Variants in ANKHD1 observed in about 807,000 individuals in gnomAD.
ANKHD1 encodes the protein ankyrin repeat and KH domain-containing protein 1.
In ANKHD1, 31 loss-of-function variants were observed where a neutral mutation model predicts 230.5. The ratio of observed to expected loss-of-function variants is 0.13; its 90% CI spans 0.10 to 0.18. ANKHD1 has a LOEUF of 0.18. ANKHD1 is among the 10% of genes least tolerant of loss of function. The pLI is 1.00. For synonymous variants in ANKHD1, 1,074 were observed against 1,117.6 expected (o/e 0.96, Z 0.78); for missense variants, 2,256 against 3,071.3 (o/e 0.73, Z 6.27).
intron 15 of ANKHD1, among the ~76,000 whole-genome samples, chr5:140,502,702 T>A (rs1002171907): frequency 1.3e-5 from 2 of 152,150 alleles, no homozygotes; most frequent in African/African-American, 4.8e-5. Flanking sequence ...TCAGCTATTT[T>A]GAGGAGGTGT....
intron 5 of ANKHD1, 83 bp downstream of exon 5, chr5:140,441,225 A>G: frequency 7.1e-7 from 1 of 1,406,930 alleles, no homozygotes; most frequent in African/African-American, 1.5e-5. Flanking sequence ...ATTTCTGAGG[A>G]AAACCAGTAT....
intron 25 of ANKHD1, among the ~76,000 whole-genome samples, chr5:140,525,311 G>T (rs1424458561): frequency 6.6e-6 from 1 of 151,890 alleles, no homozygotes; most frequent in African/African-American, 2.4e-5. Flanking sequence ...CACCCAGGCT[G>T]GAGTGCAGTG....
At chr5:140,529,899 A>C in intron 29 of ANKHD1, 103 bp downstream of exon 29, 1 of 1,471,182 alleles carries the variant, frequency 6.8e-7, no homozygotes, top group Non-Finnish European at 9.0e-7. Context: ...GTCACATATA[A>C]TGAGCTGCTT....
In ANKHD1 at chr5:140,485,803, C is replaced by T; in HGVS notation, c.2142+71C>T. 1 of 1,575,364 alleles carries T rather than the reference C, an allele frequency of 6.3e-7. No homozygotes were observed. The highest frequency in any genetic ancestry group is 1.4e-5 in the African/African-American group (1 of 72,560). Reference sequence around the variant, plus strand: ...ATGATTAGAAGTTTTTGTTTAAAATCAGTTTTAAGCAAAATGGACTTGTTT... The same window carrying T: ...ATGATTAGAAGTTTTTGTTTAAAATTAGTTTTAAGCAAAATGGACTTGTTT... On this transcript the variant is annotated intron_variant, in intron 13 of 33. Transcript: ENST00000360839. The surrounding 1 kb of genome is among the most constrained non-coding windows in gnomAD (Gnocchi z 4.8).
chr5:140,475,595 G>A (rs1750921122), intron 10 of ANKHD1, among the ~76,000 whole-genome samples: 2 of 152,098 alleles, frequency 1.3e-5, no homozygotes, highest in Admixed American at 6.6e-5. Flanking sequence ...GGAAAAATTA[G>A]CAAATTGTCG....
intron 22 of ANKHD1, among the ~76,000 whole-genome samples, chr5:140,511,978 A>C (rs1163282550): frequency 6.6e-6 from 1 of 152,164 alleles, no homozygotes; most frequent in Non-Finnish European, 1.5e-5. Context: ...GCTCACGCCC[A>C]TAATCCCAGC....
At chr5:140,509,554 G>T (rs1752674449) in intron 20 of ANKHD1, 83 bp from the exon 21 acceptor site, 1 of 1,395,676 alleles carries the variant, frequency 7.2e-7, no homozygotes, top group African/African-American at 1.5e-5. Flanking sequence ...GGTTTTTAAA[G>T]AAATTATGTA....
intron 1 of ANKHD1, among the ~76,000 whole-genome samples, chr5:140,434,986 A>G (rs935910848): frequency 2.6e-5 from 4 of 152,180 alleles, no homozygotes; most frequent in Non-Finnish European, 4.4e-5. Context: ...AATTAATTTT[A>G]TTTGAAATTG....
chr5:140,403,168 C>T (rs974379341), intron 1 of ANKHD1, among the ~76,000 whole-genome samples: 1 of 151,744 alleles, frequency 6.6e-6, no homozygotes, highest in Admixed American at 6.6e-5. Flanking sequence ...GGGGTTTCAC[C>T]ATGTTGGTCA....
chr5:140,511,364 G>C (rs1581356409), intron 22 of ANKHD1, among the ~76,000 whole-genome samples: 1 of 152,122 alleles, frequency 6.6e-6, no homozygotes, highest in Non-Finnish European at 1.5e-5. Context: ...CTGCCTCAGG[G>C]CCTTTGCTCA....
At chr5:140,500,648 CAAAAAAA>C (rs376975917) in intron 15 of ANKHD1, among the ~76,000 whole-genome samples, 1 of 78,746 alleles carries the variant, frequency 1.3e-5, no homozygotes. Context: ...GACTCTGTCT[CAAAAAAA>C]AAAAAAAAAA....
At chr5:140,452,378 C>G (rs979857386) in intron 7 of ANKHD1, among the ~76,000 whole-genome samples, 2 of 152,140 alleles carry the variant, frequency 1.3e-5, no homozygotes, top group African/African-American at 2.4e-5. Context: ...AGTAGTTGTT[C>G]TCCAAGCACG....
intron 10 of ANKHD1, among the ~76,000 whole-genome samples, chr5:140,475,567 A>T (rs1016016360): frequency 2.7e-5 from 4 of 149,032 alleles, no homozygotes; most frequent in Non-Finnish European, 6.1e-5. Context: ...CAAACCCAAA[A>T]AAACTAAAAA....
At chr5:140,465,349 TTTCTG>T (rs1302124841) in intron 10 of ANKHD1, among the ~76,000 whole-genome samples, 1 of 152,192 alleles carries the variant, frequency 6.6e-6, no homozygotes, top group East Asian at 1.9e-4. Flanking sequence ...CTTTTTGTGT[TTTCTG>T]TTTTGGTTTT....
At chr5:140,404,122 T>C (rs1017341980) in intron 1 of ANKHD1, among the ~76,000 whole-genome samples, 4 of 152,172 alleles carry the variant, frequency 2.6e-5, no homozygotes, top group East Asian at 1.9e-4. Context: ...TAGGCAGTTA[T>C]GGGGAGAGAC....
At chr5:140,537,150 A>G (rs540811757) in intron 30 of ANKHD1, 1 of 559,780 alleles carries the variant, frequency 1.8e-6, no homozygotes, top group Admixed American at 4.2e-5. Context: ...AGACTGTTGT[A>G]TACTTATTAT....
chr5:140,471,706 TTCTC>T (rs1175185196), intron 10 of ANKHD1, among the ~76,000 whole-genome samples: 1 of 152,194 alleles, frequency 6.6e-6, no homozygotes, highest in Non-Finnish European at 1.5e-5. Flanking sequence ...TTTAGATAGT[TTCTC>T]TCTGTTAAGA....
Position 140,526,958 on chromosome 5 carries a change from G to C in ANKHD1, c.4971G>C (p.Leu1657Phe). ...RLEGEVTPNS[L>F]STSYKTVSLP... Reference sequence around the variant, plus strand: ...AAGGTGAAGTGACTCCTAATTCCTTGTCAACCAGCTACAAGACAGTGTCAT... The same window carrying C: ...AAGGTGAAGTGACTCCTAATTCCTTCTCAACCAGCTACAAGACAGTGTCAT... The change falls in exon 27 of 34, where the codon TTG becomes TTC. Residue 1657 changes from leucine (L) to phenylalanine (F), a missense_variant. Coordinates refer to ENST00000360839, the MANE Select transcript of ANKHD1 (RefSeq NM_017747.3). The C allele has an allele frequency of 5.6e-6, 9 of 1,612,802 alleles. No individual in the cohort carries two copies. The highest frequency in any genetic ancestry group is 7.6e-6 in the Non-Finnish European group (9 of 1,179,534).
chr5:140,465,657 T>C (rs1776030864), intron 10 of ANKHD1, among the ~76,000 whole-genome samples: 1 of 152,216 alleles, frequency 6.6e-6, no homozygotes, highest in East Asian at 1.9e-4. Flanking sequence ...AGTAGATACC[T>C]GAGAACATTA....
Sources: allele counts gnomAD v4.1 joint callset (sites outside exome capture counted in the v4.1 genomes callset), GRCh38; gene constraint gnomAD v4.1.1; non-coding constraint Gnocchi (gnomAD v3.1); transcripts MANE v1.5; gene names NCBI Gene and HGNC (gene_info 2026-07-23, HGNC 2026-07-21).